RPRD2: variants seen among roughly 807,000 people sequenced by gnomAD.
The protein encoded by RPRD2 is regulation of nuclear pre-mRNA domain containing 2.
RPRD2 carries 12 observed loss-of-function variants against 104.4 expected under a neutral mutation model. The ratio of observed to expected loss-of-function variants is 0.11; its 90% CI spans 0.07 to 0.19. The LOEUF is 0.19. RPRD2 is among the 10% of genes least tolerant of loss of function. RPRD2 has a pLI of 1.00. For synonymous variants in RPRD2, 714 were observed against 684.9 expected, an observed-to-expected ratio of 1.04 and a Z score of -0.66; for missense variants, 1,543 against 1,790.1, an observed-to-expected ratio of 0.86 and a Z score of 2.49.
intron 1 of RPRD2, among the ~76,000 whole-genome samples, chr1:150,394,297 G>A (rs184166710): frequency 3.0e-4 from 46 of 152,154 alleles, no homozygotes; most frequent in African/African-American, 8.9e-4. Context: ...TGATCCGCCC[G>A]CCTCAGCCTC....
At chr1:150,454,025 A>G (rs1335939152) in intron 7 of RPRD2, among the ~76,000 whole-genome samples, 1 of 152,040 alleles carries the variant, frequency 6.6e-6, no homozygotes, top group Non-Finnish European at 1.5e-5. Context: ...TCTCCATGGC[A>G]TGATTTGAAC....
chr1:150,422,784 T>G (rs1664859160), intron 2 of RPRD2, among the ~76,000 whole-genome samples: 1 of 152,232 alleles, frequency 6.6e-6, no homozygotes, highest in Non-Finnish European at 1.5e-5. Flanking sequence ...TTAGGGACAT[T>G]AATTTTATTC....
chr1:150,440,488 A>C (rs1553894154), intron 2 of RPRD2, among the ~76,000 whole-genome samples: 1 of 152,248 alleles, frequency 6.6e-6, no homozygotes, highest in African/African-American at 2.4e-5. Flanking sequence ...ATTATGTAAT[A>C]GTTTTTTAGA....
rs1201264357 is a variant in RPRD2, at chr1:150,443,220, A to C, written c.515-11A>C. ...CTGTATTCTTAATGACCTTTTGTTT[A>C]ATTCCAACAGCATCTACAAATCCAA... On this transcript the variant is annotated splice_polypyrimidine_tract_variant and intron_variant, in intron 4 of 10. Transcript: ENST00000369068. 41 of 1,568,348 alleles carry C rather than the reference A, an allele frequency of 2.6e-5. No homozygotes were observed. Among genetic ancestry groups the C allele is most frequent in the Middle Eastern group, 1.7e-4 (1 of 6,012 alleles).
intron 1 of RPRD2, 87 bp from the exon 2 acceptor site, chr1:150,417,509 C>A: frequency 9.3e-7 from 1 of 1,072,170 alleles, no homozygotes; most frequent in Non-Finnish European, 1.3e-6. Flanking sequence ...TAACCAGTTA[C>A]AGTTTGAGAA....
intron 1 of RPRD2, among the ~76,000 whole-genome samples, chr1:150,401,367 A>G (rs587613390): frequency 6.6e-6 from 1 of 152,002 alleles, no homozygotes; most frequent in South Asian, 2.1e-4. Context: ...GCAAGCCTGT[A>G]GTTACAGCTA....
chr1:150,455,558 G>T (rs1667471340), intron 7 of RPRD2, among the ~76,000 whole-genome samples: 1 of 148,950 alleles, frequency 6.7e-6, no homozygotes, highest in Admixed American at 6.7e-5. Context: ...AGTCTAAGGA[G>T]AAAGAAGACA....
intron 10 of RPRD2, 114 bp from the exon 11 acceptor site, chr1:150,470,447 C>A: frequency 9.0e-7 from 1 of 1,112,168 alleles, no homozygotes; most frequent in Non-Finnish European, 1.3e-6. Context: ...TGGCCTTACA[C>A]TTTGTCTATC....
Position 150,369,381 on chromosome 1 carries a change from C to T in RPRD2, c.205+4462C>T, listed in dbSNP as rs147613963. ...CACTGCAACCTCCGCCTCCTGGGCTCAAGCAATCCTGCCACCTCAGCCTCC... is the reference window on the plus strand; with the variant it reads ...CACTGCAACCTCCGCCTCCTGGGCTTAAGCAATCCTGCCACCTCAGCCTCC... On this transcript the variant is annotated intron_variant, in intron 1 of 10. Transcript: ENST00000369068. 4.2e-3 allele frequency among the ~76,000 whole-genome samples: 631 copies of T among 148,996 alleles called. 6 individuals carry two copies. Among genetic ancestry groups the T allele is most frequent in the African/African-American group, 0.015 (604 of 40,562 alleles).
intron 1 of RPRD2, among the ~76,000 whole-genome samples, chr1:150,365,207 TGTA>T (rs1659744395): frequency 6.6e-6 from 1 of 152,196 alleles, no homozygotes; most frequent in Non-Finnish European, 1.5e-5. Context: ...TTCAGAGCCT[TGTA>T]AGGTGTATTG....
intron 1 of RPRD2, among the ~76,000 whole-genome samples, chr1:150,381,194 G>A (rs149932571): frequency 0.035 from 5,361 of 151,900 alleles, 108 homozygotes; most frequent in Non-Finnish European, 0.051. Context: ...AGGCCAAGGT[G>A]GAAAGATTGC....
intron 1 of RPRD2, among the ~76,000 whole-genome samples, chr1:150,388,616 AT>A (rs71086505): frequency 0.22 from 29,624 of 137,074 alleles, 3,161 homozygotes; most frequent in African/African-American, 0.31. Context: ...TTGATATGTA[AT>A]TTTTTTTTTT....
intron 2 of RPRD2, among the ~76,000 whole-genome samples, chr1:150,419,454 A>G (rs1553889202): frequency 6.6e-6 from 1 of 152,208 alleles, no homozygotes. Context: ...CTACCTTGCT[A>G]TTAGAAAAGA....
Position 150,398,411 on chromosome 1 carries a change from T to A in RPRD2, c.206-19185T>A, listed in dbSNP as rs145707737. Among the ~76,000 whole-genome samples the A allele has an allele frequency of 4.3e-4, 66 of 152,166 alleles. No homozygotes were observed. In the East Asian group the frequency reaches 0.011, roughly 25 times the overall value. Reference sequence around the variant, plus strand: ...CGGGGTTTCACTGTGTTAGCCAGGATGGTCTCGATCTCCTGACCTCGTGAT... The same window carrying A: ...CGGGGTTTCACTGTGTTAGCCAGGAAGGTCTCGATCTCCTGACCTCGTGAT... On this transcript the variant is annotated intron_variant, in intron 1 of 10. Coordinates refer to ENST00000369068, the MANE Select transcript of RPRD2 (RefSeq NM_015203.5).
chr1:150,444,588 T>C (rs761639907), intron 6 of RPRD2, among the ~76,000 whole-genome samples: 95 of 152,342 alleles, frequency 6.2e-4, no homozygotes, highest in Non-Finnish European at 1.1e-3. Flanking sequence ...TACTAGGTTA[T>C]ATATAGACAG....
At chr1:150,366,949 T>C (rs1406501633) in intron 1 of RPRD2, among the ~76,000 whole-genome samples, 2 of 152,224 alleles carry the variant, frequency 1.3e-5, no homozygotes, top group African/African-American at 4.8e-5. Flanking sequence ...CAGTTTTTTT[T>C]CTAGTCAGCA....
At chr1:150,390,693 C>T (rs1661999715) in intron 1 of RPRD2, among the ~76,000 whole-genome samples, 1 of 151,932 alleles carries the variant, frequency 6.6e-6, no homozygotes, top group Non-Finnish European at 1.5e-5. Flanking sequence ...CAGATAAGAC[C>T]ATTGGCAAAG....
At chr1:150,433,589 C>T (rs1375173324) in intron 2 of RPRD2, among the ~76,000 whole-genome samples, 9 of 148,182 alleles carry the variant, frequency 6.1e-5, no homozygotes, top group African/African-American at 1.2e-4. Flanking sequence ...GGACTACAGG[C>T]GCCCGCCACA....
intron 7 of RPRD2, among the ~76,000 whole-genome samples, chr1:150,447,278 A>C (rs192363257): frequency 6.6e-6 from 1 of 151,134 alleles, no homozygotes; most frequent in East Asian, 2.0e-4. Context: ...TTAACCAGAA[A>C]ACTGGATGGA....
Sources: gnomAD v4.1 joint callset for allele counts (sites outside exome capture counted in the v4.1 genomes callset) on GRCh38, gnomAD v4.1.1 for gene constraint, MANE v1.5 for transcripts, NCBI Gene and HGNC (gene_info 2026-07-23, HGNC 2026-07-21) for gene names.